The following ZFR variants were observed in gnomAD, a reference collection of about 807,000 sequenced individuals.
The protein encoded by ZFR is zinc finger RNA binding protein, also known as zinc finger RNA-binding protein.
In ZFR, 19 loss-of-function variants were observed where a neutral mutation model predicts 130.7. The ratio of observed to expected loss-of-function variants is 0.15; its 90% CI spans 0.10 to 0.21. The LOEUF is 0.21. ZFR is among the 10% of genes least tolerant of loss of function. ZFR has a pLI of 1.00. For missense variants in ZFR, 872 were observed against 1,321.5 expected (o/e 0.66, Z 5.27); for synonymous variants, 466 against 456.9 (o/e 1.02, Z -0.25).
chr5:32,388,564 A>G lies in ZFR; in HGVS notation c.2253T>C (p.Thr751=), dbSNP rs763087715. 1 of 1,613,932 alleles carries G rather than the reference A, an allele frequency of 6.2e-7. No individual in the cohort carries two copies. The highest frequency in any genetic ancestry group is 8.5e-7 in the Non-Finnish European group (1 of 1,179,956). ...LQAVQKIVSI[T]ERALKLVSDS... ...CTGAAACGAGTTTTAAAGCACGTTCAGTAATAGAAACAATTTTCTGAACTG... is the reference window on the plus strand; with the variant it reads ...CTGAAACGAGTTTTAAAGCACGTTCGGTAATAGAAACAATTTTCTGAACTG... Residue 751 remains threonine, a synonymous_variant, in exon 13 of 20, where the codon ACT becomes ACC. Transcript: ENST00000265069.
At chr5:32,376,872 G>A (rs1476649590) in intron 17 of ZFR, among the ~76,000 whole-genome samples, 1 of 151,648 alleles carries the variant, frequency 6.6e-6, no homozygotes, top group East Asian at 2.0e-4. Flanking sequence ...CCAGCTACTT[G>A]GAAAACGGAG....
chr5:32,442,328 T>C (rs1202700269), intron 2 of ZFR, among the ~76,000 whole-genome samples: 1 of 152,154 alleles, frequency 6.6e-6, no homozygotes, highest in Non-Finnish European at 1.5e-5. Context: ...AAAAAGATGG[T>C]TTTTTCCTCT....
chr5:32,382,381 A>G (rs991510815), intron 15 of ZFR, among the ~76,000 whole-genome samples: 15 of 152,332 alleles, frequency 9.8e-5, no homozygotes, highest in Admixed American at 9.1e-4. Context: ...AAGCAGTATT[A>G]TAACATGCTA....
rs201831796 is a variant in ZFR at position 32,385,493 on chromosome 5, T to A, written c.2641+15A>T. 1 of 1,611,434 alleles carries A rather than the reference T, an allele frequency of 6.2e-7. No homozygotes were observed. Among genetic ancestry groups the A allele is most frequent in the Non-Finnish European group, 8.5e-7 (1 of 1,178,638 alleles). Reference sequence around the variant, plus strand: ...AAAAGTTAATAGAAAGTAGAAAGTTTAATGGCTTTCCAACCTCCTTCCCTC... The same window carrying A: ...AAAAGTTAATAGAAAGTAGAAAGTTAAATGGCTTTCCAACCTCCTTCCCTC... On this transcript the variant is annotated intron_variant, in intron 15 of 19. Transcript: ENST00000265069.
intron 5 of ZFR, among the ~76,000 whole-genome samples, chr5:32,407,832 T>C (rs576969067): frequency 2.0e-5 from 3 of 152,194 alleles, no homozygotes; most frequent in Non-Finnish European, 4.4e-5. Context: ...AATATATACA[T>C]GTTGCTTATG....
chr5:32,394,822 CT>C (rs1349378314), intron 11 of ZFR, among the ~76,000 whole-genome samples: 1 of 152,132 alleles, frequency 6.6e-6, no homozygotes, highest in Non-Finnish European at 1.5e-5. Context: ...CATGTAGAAT[CT>C]ATCAAATCTT....
At chr5:32,374,212 T>C (rs781306380) in intron 17 of ZFR, among the ~76,000 whole-genome samples, 2 of 152,128 alleles carry the variant, frequency 1.3e-5, no homozygotes, top group Admixed American at 6.5e-5. Context: ...TTCCATACAT[T>C]TTTAAAATTT....
intron 4 of ZFR, among the ~76,000 whole-genome samples, chr5:32,416,592 C>T (rs532980071): frequency 2.4e-5 from 3 of 125,460 alleles, no homozygotes; most frequent in African/African-American, 9.3e-5. Context: ...CCAGCCTGGG[C>T]GACAAGAGTG....
At chr5:32,375,986 C>T (rs536143202) in intron 17 of ZFR, among the ~76,000 whole-genome samples, 54 of 151,786 alleles carry the variant, frequency 3.6e-4, no homozygotes, top group African/African-American at 1.2e-3. Context: ...GGATTATAGG[C>T]GTCTGCCACC....
chr5:32,366,974 C>A (rs1207011188), intron 17 of ZFR, among the ~76,000 whole-genome samples: 4 of 151,608 alleles, frequency 2.6e-5, no homozygotes, highest in African/African-American at 4.8e-5. Flanking sequence ...ACACTGCAGC[C>A]GAGCTTGAAC....
intron 14 of ZFR, among the ~76,000 whole-genome samples, chr5:32,386,836 G>A (rs909635310): frequency 6.6e-6 from 1 of 152,102 alleles, no homozygotes; most frequent in South Asian, 2.1e-4. Context: ...ACCAATGAAA[G>A]CTGATTCCTT....
At chr5:32,367,685 A>G (rs909913876) in intron 17 of ZFR, among the ~76,000 whole-genome samples, 2 of 152,044 alleles carry the variant, frequency 1.3e-5, no homozygotes, top group Admixed American at 1.3e-4. Context: ...AAGTGATGAG[A>G]TTACAGGCCA....
chr5:32,389,956 G>GC (rs991949425), intron 12 of ZFR, among the ~76,000 whole-genome samples: 59 of 152,346 alleles, frequency 3.9e-4, no homozygotes, highest in African/African-American at 1.4e-3. Context: ...TTCAAGACCA[G>GC]CCTGGCCAAC....
At chr5:32,410,367 G>C (rs1180754893) in intron 5 of ZFR, among the ~76,000 whole-genome samples, 1 of 150,532 alleles carries the variant, frequency 6.6e-6, no homozygotes, top group East Asian at 2.0e-4. Flanking sequence ...CCAACACTTT[G>C]AGAGGCGGAG....
At chr5:32,372,436 G>A (rs146481456) in intron 17 of ZFR, among the ~76,000 whole-genome samples, 3 of 152,060 alleles carry the variant, frequency 2.0e-5, no homozygotes, top group African/African-American at 7.2e-5. Flanking sequence ...CTTGAAAAAC[G>A]TGAGTTTGAA....
At chr5:32,389,975 ACT>A (rs753849310) in intron 12 of ZFR, among the ~76,000 whole-genome samples, 36 of 152,128 alleles carry the variant, frequency 2.4e-4, no homozygotes, top group Admixed American at 6.6e-4. Flanking sequence ...ACGTGGCGAA[ACT>A]CTATCTCTAC....
chr5:32,423,690 C>T (rs577926381), intron 2 of ZFR, among the ~76,000 whole-genome samples: 2 of 152,154 alleles, frequency 1.3e-5, no homozygotes, highest in South Asian at 2.1e-4. Context: ...ACGTGAACCA[C>T]GTTTTCAAAT....
chr5:32,413,636 C>G (rs921485965), intron 5 of ZFR, among the ~76,000 whole-genome samples: 2 of 152,204 alleles, frequency 1.3e-5, no homozygotes, highest in African/African-American at 4.8e-5. Flanking sequence ...AAAAGCTACT[C>G]TGGTACTTCC....
intron 15 of ZFR, among the ~76,000 whole-genome samples, chr5:32,381,567 A>G (rs1362377923): frequency 6.6e-6 from 1 of 152,212 alleles, no homozygotes; most frequent in African/African-American, 2.4e-5. Context: ...AAAGTTAATT[A>G]TCTTAAGAGT....
Sources: allele counts gnomAD v4.1 joint callset (sites outside exome capture counted in the v4.1 genomes callset), GRCh38; gene constraint gnomAD v4.1.1; transcripts MANE v1.5; gene names NCBI Gene and HGNC (gene_info 2026-07-23, HGNC 2026-07-21).